The following B3GLCT variants were observed in gnomAD, a reference collection of about 807,000 sequenced individuals.
B3GLCT encodes beta 3-glucosyltransferase.
A neutral mutation model predicts 63.4 loss-of-function variants in B3GLCT; 65 were observed. The observed-to-expected ratio is 1.03, with a 90% CI of 0.84 to 1.26. B3GLCT has a LOEUF of 1.26. B3GLCT is among the 50% of genes most tolerant of loss of function. The probability of loss-of-function intolerance (pLI) is 0.00; values close to 1 mark genes in which losing one functional copy is unlikely to be tolerated. For synonymous variants in B3GLCT, 233 were observed against 219.2 expected (o/e 1.06, Z -0.55); for missense variants, 577 against 604.8 (o/e 0.95, Z 0.48).
intron 14 of B3GLCT, among the ~76,000 whole-genome samples, chr13:31,326,471 A>G (rs1875629743): frequency 6.6e-6 from 1 of 151,304 alleles, no homozygotes. Context: ...TTTAGTAGAG[A>G]CGGGATTTCA....
chr13:31,294,354 C>T (rs1459632117), intron 12 of B3GLCT, among the ~76,000 whole-genome samples: 3 of 152,176 alleles, frequency 2.0e-5, no homozygotes, highest in Non-Finnish European at 1.5e-5. Flanking sequence ...TGAATGTTAG[C>T]TTGTCTTGCT....
intron 10 of B3GLCT, among the ~76,000 whole-genome samples, chr13:31,277,534 T>C (rs1872856736): frequency 6.6e-6 from 1 of 152,194 alleles, no homozygotes; most frequent in African/African-American, 2.4e-5. Context: ...TTTTTCCCCA[T>C]GAAAAGACTG....
intron 10 of B3GLCT, among the ~76,000 whole-genome samples, chr13:31,277,003 A>G (rs1411153109): frequency 6.6e-6 from 1 of 152,310 alleles, no homozygotes; most frequent in Admixed American, 6.5e-5. Context: ...GATACTGCTT[A>G]TGGCAGTATT....
intron 12 of B3GLCT, among the ~76,000 whole-genome samples, chr13:31,308,347 T>TAAAAAACAAAAAAA (rs1874500462): frequency 4.2e-5 from 1 of 23,672 alleles, no homozygotes; most frequent in African/African-American, 8.9e-5. Flanking sequence ...AAAAAAAAAT[T>TAAAAAACAAAAAAA]AAAAAAAAAA....
chr13:31,246,641 A>G (rs1008561384), intron 4 of B3GLCT, among the ~76,000 whole-genome samples: 1 of 150,834 alleles, frequency 6.6e-6, no homozygotes, highest in Non-Finnish European at 1.5e-5. Context: ...AAAATAAAAA[A>G]CTGCTTCTGT....
chr13:31,233,905 A>G (rs1369184814), intron 4 of B3GLCT, among the ~76,000 whole-genome samples: 1 of 152,154 alleles, frequency 6.6e-6, no homozygotes, highest in East Asian at 1.9e-4. Context: ...AAGACATACT[A>G]CGGGCAAAGT....
At chr13:31,326,743 A>C (rs1284135745) in intron 14 of B3GLCT, among the ~76,000 whole-genome samples, 1 of 152,160 alleles carries the variant, frequency 6.6e-6, no homozygotes, top group African/African-American at 2.4e-5. Context: ...GAGGCTGCAT[A>C]GAGTTCTTGG....
intron 6 of B3GLCT, among the ~76,000 whole-genome samples, chr13:31,254,737 T>C (rs2137819360): frequency 6.6e-6 from 1 of 152,280 alleles, no homozygotes; most frequent in East Asian, 1.9e-4. Context: ...TGTTTGCAGA[T>C]GACACGATTG....
chr13:31,244,467 GGGT>G (rs1871104685), intron 4 of B3GLCT, among the ~76,000 whole-genome samples: 1 of 152,104 alleles, frequency 6.6e-6, no homozygotes, highest in Non-Finnish European at 1.5e-5. Flanking sequence ...ACTACAGCCT[GGGT>G]GACAAGAGCG....
At chr13:31,203,322 A>G (rs928401223) in intron 1 of B3GLCT, among the ~76,000 whole-genome samples, 4 of 152,186 alleles carry the variant, frequency 2.6e-5, no homozygotes, top group African/African-American at 4.8e-5. Context: ...ATTCTTTGTC[A>G]TCCAGGTAGT....
chr13:31,270,677 A>AATT (rs1344723471), intron 8 of B3GLCT, among the ~76,000 whole-genome samples: 2 of 152,090 alleles, frequency 1.3e-5, no homozygotes, highest in African/African-American at 2.4e-5. Flanking sequence ...CCCCACACTA[A>AATT]ACTCTCTTGA....
intron 5 of B3GLCT, among the ~76,000 whole-genome samples, chr13:31,247,320 C>T (rs1053222816): frequency 2.0e-5 from 3 of 151,924 alleles, no homozygotes; most frequent in East Asian, 1.9e-4. Context: ...CTCGCTCTGT[C>T]GCCAGGCTGG....
intron 3 of B3GLCT, among the ~76,000 whole-genome samples, chr13:31,227,823 A>G (rs1157469302): frequency 6.6e-6 from 1 of 152,254 alleles, no homozygotes; most frequent in Non-Finnish European, 1.5e-5. Flanking sequence ...GTTAAAGAGA[A>G]AGATTCATGG....
chr13:31,332,191 C>A lies in B3GLCT; in HGVS notation c.*2523C>A, dbSNP rs1875961970. ...CCTCAAAAATTAATGTAATTGACAT[C>A]TTCAAGAATGTTTCTATTGTCTTCC... On this transcript the variant is annotated 3_prime_UTR_variant, in exon 15 of 15. Transcript: ENST00000343307. 1 of 152,124 alleles carries A rather than the reference C, an allele frequency of 6.6e-6. No homozygotes were observed. Among genetic ancestry groups the A allele is most frequent in the Admixed American group, 6.5e-5 (1 of 15,274 alleles). 9.4% of individuals were successfully genotyped at this position (152,124 alleles called of 1,614,324 possible). A position where few individuals can be genotyped will look rare whatever the true frequency, so the allele number is the denominator to read the frequency against.
intron 2 of B3GLCT, among the ~76,000 whole-genome samples, chr13:31,215,794 A>G (rs114265845): frequency 0.013 from 1,919 of 152,280 alleles, 44 homozygotes; most frequent in African/African-American, 0.044. Context: ...GTGTCACAGA[A>G]ACCTGATTAG....
Position 31,276,749 on chromosome 13 carries a change from C to G in B3GLCT, c.828C>G (p.Cys276Trp). 6.2e-7 allele frequency: 1 copy of G among 1,612,742 alleles called. No homozygotes were observed. Among genetic ancestry groups the G allele is most frequent in the Non-Finnish European group, 8.5e-7 (1 of 1,178,988 alleles). ...KKDIFVAVKT[C>W]KKFHGDRIPI... ...ATATTTTTGTTGCAGTAAAAACATG[C>G]AAGAAATTTCATGGTGACAGAAGTA... The change falls in exon 10 of 15, where the codon TGC (cysteine) becomes TGG (tryptophan). Residue 276 changes from cysteine to tryptophan, a missense_variant. Transcript: ENST00000343307.
intron 2 of B3GLCT, among the ~76,000 whole-genome samples, chr13:31,222,740 C>T (rs1869877241): frequency 6.6e-6 from 1 of 152,234 alleles, no homozygotes; most frequent in Admixed American, 6.5e-5. Flanking sequence ...ACAGCCCCAA[C>T]TAAGAAGTCT....
At chr13:31,290,645 A>G (rs1373991260) in intron 12 of B3GLCT, among the ~76,000 whole-genome samples, 1 of 152,178 alleles carries the variant, frequency 6.6e-6, no homozygotes, top group African/African-American at 2.4e-5. Flanking sequence ...TTTGTTGGCC[A>G]CATAAATGTC....
rs963592051 is a variant in B3GLCT, at chr13:31,269,073, C to G, written c.597-141C>G. 2.5e-5 allele frequency: 16 copies of G among 637,806 alleles called. No homozygotes were observed. In the African/African-American group the frequency reaches 2.9e-4, roughly 12 times the overall value. The allele number at this position is 637,806 out of a possible 1,614,324, so 39.5% of individuals were successfully genotyped here. A position where few individuals can be genotyped will look rare whatever the true frequency, so the allele number is the denominator to read the frequency against. ...GCCGTTGGGTTTTCACAGTCCTTTC[C>G]CTCAAGGAATTTAAACTGTTATTTT... On this transcript the variant is annotated intron_variant, in intron 7 of 14. Transcript: ENST00000343307.
Sources: allele counts gnomAD v4.1 joint callset (sites outside exome capture counted in the v4.1 genomes callset), GRCh38; gene constraint gnomAD v4.1.1; transcripts MANE v1.5; gene names NCBI Gene and HGNC (gene_info 2026-07-23, HGNC 2026-07-21).